The following FAM20A variants were observed in gnomAD, a reference collection of about 807,000 sequenced individuals.
FAM20A encodes FAM20A golgi associated secretory pathway pseudokinase, also known as pseudokinase FAM20A.
In FAM20A, 42 loss-of-function variants were observed where a neutral mutation model predicts 52.0. The ratio of observed to expected loss-of-function variants is 0.81; its 90% CI spans 0.63 to 1.04. FAM20A has a LOEUF of 1.04. Ranked by LOEUF, FAM20A falls within the 50% of genes least tolerant of loss-of-function variation. The probability of loss-of-function intolerance (pLI) is 0.00; values close to 1 mark genes in which losing one functional copy is unlikely to be tolerated. For missense variants in FAM20A, 742 were observed against 712.7 expected, an observed-to-expected ratio of 1.04 and a Z score of -0.47; for synonymous variants, 304 against 298.9, an observed-to-expected ratio of 1.02 and a Z score of -0.18.
intron 1 of FAM20A, among the ~76,000 whole-genome samples, chr17:68,569,505 C>T (rs2087478644): frequency 6.6e-6 from 1 of 152,212 alleles, no homozygotes; most frequent in African/African-American, 2.4e-5. Context: ...TAAATGAAAA[C>T]AAGCTTCCTT....
chr17:68,540,050 G>T, intron 8 of FAM20A, 84 bp from the exon 9 acceptor site: 1 of 1,192,898 alleles, frequency 8.4e-7, no homozygotes, highest in Non-Finnish European at 1.2e-6. Context: ...AGGGAACGGA[G>T]GCCTGTCATC....
chr17:68,597,153 G>A (rs2088475251), intron 1 of FAM20A, among the ~76,000 whole-genome samples: 1 of 151,472 alleles, frequency 6.6e-6, no homozygotes, highest in Non-Finnish European at 1.5e-5. Flanking sequence ...TATTGGTAAT[G>A]AGCTTGAATT....
chr17:68,595,687 A>G (rs1395932617), intron 1 of FAM20A, among the ~76,000 whole-genome samples: 2 of 152,130 alleles, frequency 1.3e-5, no homozygotes, highest in Non-Finnish European at 2.9e-5. Flanking sequence ...GGCCCTGTTG[A>G]CTCTGGGAGA....
intron 6 of FAM20A, 43 bp from the exon 7 acceptor site, chr17:68,542,208 T>G: frequency 1.2e-6 from 2 of 1,606,590 alleles, no homozygotes; most frequent in Non-Finnish European, 1.7e-6. Flanking sequence ...TGGAGGGCTC[T>G]GGAGGCATGA....
chr17:68,594,283 C>T (rs1318467299), intron 1 of FAM20A, among the ~76,000 whole-genome samples: 1 of 151,730 alleles, frequency 6.6e-6, no homozygotes, highest in Non-Finnish European at 1.5e-5. Flanking sequence ...CCTGTAGTCC[C>T]AGCTACTCGG....
chr17:68,589,851 T>A (rs536369478), intron 1 of FAM20A, among the ~76,000 whole-genome samples: 124 of 152,304 alleles, frequency 8.1e-4, no homozygotes, highest in African/African-American at 2.9e-3. Flanking sequence ...CATTCAAAAT[T>A]GGATGTAAGG....
In FAM20A at chr17:68,555,529, TC is replaced by T. The variant is rs745717496; in HGVS notation, c.589+29del. 6 of 1,611,144 alleles carry T rather than the reference TC, an allele frequency of 3.7e-6. No individual in the cohort carries two copies. In the Admixed American group the frequency reaches 8.3e-5, roughly 22 times the overall value. On this transcript the variant is annotated intron_variant, in intron 2 of 10. Coordinates refer to ENST00000592554, the MANE Select transcript of FAM20A (RefSeq NM_017565.4). ...CCCAGACTCTCTGGGAGAAAGTCAG[TC>T]CCCCCTTGCTTGATCCCATGAACCT... is the stretch of plus-strand genomic sequence containing the variant.
chr17:68,583,819 C>T (rs1410469559), intron 1 of FAM20A, among the ~76,000 whole-genome samples: 1 of 151,924 alleles, frequency 6.6e-6, no homozygotes, highest in Admixed American at 6.6e-5. Flanking sequence ...AGGAGAATGG[C>T]GTGAACCAGG....
At position 68,542,011 on chromosome 17, in the gene FAM20A, G is replaced by C. The variant is rs988700784; in HGVS notation, c.1083C>G (p.Arg361=). ...PRLSVPNPWI[R]SYTLAGKEEW... ...CCTCTTTTCCTGCCAGTGTGTAGGA[G>C]CGGATCCAGGGGTTGGGCACAGACA... Residue 361 remains arginine (R), a synonymous_variant, in exon 7 of 11, where the codon CGC becomes CGG. Coordinates refer to ENST00000592554, the MANE Select transcript of FAM20A (RefSeq NM_017565.4). 6.2e-7 allele frequency: 1 copy of C among 1,614,062 alleles called. No individual in the cohort carries two copies.
chr17:68,540,156 ACAAG>A (rs1328897411), intron 8 of FAM20A, among the ~76,000 whole-genome samples, 190 bp from the exon 9 acceptor site: 6 of 152,170 alleles, frequency 3.9e-5, no homozygotes, highest in African/African-American at 1.2e-4. Flanking sequence ...AGGAAGCGAA[ACAAG>A]CAAACCCTAA....
rs550533120 is a variant in FAM20A at position 68,555,392 on chromosome 17, G to A, written c.589+167C>T. Among the ~76,000 whole-genome samples, 4 of 152,260 alleles carry A rather than the reference G, an allele frequency of 2.6e-5. No homozygotes were observed. The South Asian group carries it at 6.2e-4, about 24-fold the overall frequency. ...CTTATGGGGTCAGGATGAGATTATC[G>A]CTATAGGATCTCTTCCAGAGGGAAA... is the stretch of plus-strand genomic sequence containing the variant. On this transcript the variant is annotated intron_variant, in intron 2 of 10. Coordinates refer to ENST00000592554, the MANE Select transcript of FAM20A (RefSeq NM_017565.4).
intron 4 of FAM20A, among the ~76,000 whole-genome samples, chr17:68,547,389 C>T (rs940640093): frequency 8.5e-5 from 13 of 152,230 alleles, no homozygotes; most frequent in African/African-American, 1.2e-4. Context: ...GACTTTTCTT[C>T]TCTAGCTATG....
Position 68,600,454 on chromosome 17 carries a change from A to G in FAM20A, c.213T>C (p.Phe71=), listed in dbSNP as rs1377812142. Reference sequence around the variant, plus strand: ...GTTCAGTCCGGGGCTCGGTTCGGGAAAAGTTGTGCACGATCGTGCCGGGGT... The same window carrying G: ...GTTCAGTCCGGGGCTCGGTTCGGGAGAAGTTGTGCACGATCGTGCCGGGGT... ...ASDPGTIVHN[F]SRTEPRTEPA... Residue 71 remains phenylalanine, a synonymous_variant, in exon 1 of 11, where the codon TTT becomes TTC. Coordinates refer to ENST00000592554, the MANE Select transcript of FAM20A (RefSeq NM_017565.4). The surrounding 1 kb of genome is among the most constrained non-coding windows in gnomAD (Gnocchi z 6.2). 1.2e-6 allele frequency: 2 copies of G among 1,610,640 alleles called. No individual in the cohort carries two copies. Among genetic ancestry groups the G allele is most frequent in the East Asian group, 4.5e-5 (2 of 44,722 alleles).
chr17:68,550,860 G>A (rs956458750), intron 4 of FAM20A, among the ~76,000 whole-genome samples: 12 of 152,204 alleles, frequency 7.9e-5, no homozygotes, highest in African/African-American at 2.7e-4. Context: ...CTTTAAGGAG[G>A]TGCTTTCGCC....
In FAM20A at chr17:68,541,154, G is replaced by A. The variant is rs79011414; in HGVS notation, c.1110-196C>T. 0.015 allele frequency: 10,452 copies of A among 696,376 alleles called. 784 individuals are homozygous for A. In the African/African-American group the frequency reaches 0.17, roughly 11 times the overall value. The allele number at this position is 696,376 out of a possible 1,614,324, so 43.1% of individuals were successfully genotyped here. A position where few individuals can be genotyped will look rare whatever the true frequency, so the allele number is the denominator to read the frequency against. On this transcript the variant is annotated intron_variant, in intron 7 of 10. Coordinates refer to ENST00000592554, the MANE Select transcript of FAM20A (RefSeq NM_017565.4). ...ATTCCGTGTGGTGAGAAGGTCCTGG[G>A]TCCTTTAAGTCTGGTGGACACTAAA...
chr17:68,571,987 CATATATATATATAT>C (rs57442973), intron 1 of FAM20A, among the ~76,000 whole-genome samples: 949 of 43,628 alleles, frequency 0.022, 18 homozygotes, highest in East Asian at 0.059. Context: ...TATATACATA[CATATATATATATAT>C]ATATATATAT....
intron 1 of FAM20A, chr17:68,558,407 G>T (rs2087115498): frequency 2.5e-6 from 1 of 405,724 alleles, no homozygotes; most frequent in African/African-American, 2.1e-5. Flanking sequence ...GGTGGGGCCT[G>T]GTGGGAGGTA....
At chr17:68,587,036 G>A (rs937839470) in intron 1 of FAM20A, among the ~76,000 whole-genome samples, 3 of 152,212 alleles carry the variant, frequency 2.0e-5, no homozygotes, top group African/African-American at 7.2e-5. Flanking sequence ...GACTACAGGT[G>A]CCCACTACCA....
Position 68,536,265 on chromosome 17 carries a change from T to C in FAM20A, c.*1212A>G, listed in dbSNP as rs772210435. On this transcript the variant is annotated 3_prime_UTR_variant, in exon 11 of 11. Coordinates refer to ENST00000592554, the MANE Select transcript of FAM20A (RefSeq NM_017565.4). ...TCTCATGCTTACAGTATTTGAACTC[T>C]GGCCTTTACTGGAAAAGTTGATTTG... The C allele has an allele frequency of 4.4e-6, 2 of 454,054 alleles. No individual in the cohort carries two copies. The highest frequency in any genetic ancestry group is 8.8e-6 in the Non-Finnish European group (2 of 226,814). The allele number at this position is 454,054 out of a possible 1,614,324, so 28.1% of individuals were successfully genotyped here. A position where few individuals can be genotyped will look rare whatever the true frequency, so the allele number is the denominator to read the frequency against.
Sources: gnomAD v4.1 joint callset for allele counts (sites outside exome capture counted in the v4.1 genomes callset) on GRCh38, gnomAD v4.1.1 for gene constraint, Gnocchi (gnomAD v3.1) non-coding constraint, MANE v1.5 for transcripts, NCBI Gene and HGNC (gene_info 2026-07-23, HGNC 2026-07-21) for gene names.